TAFA1: variants seen among roughly 807,000 people sequenced by gnomAD.
TAFA1 encodes the protein TAFA chemokine like family member 1, also known as chemokine-like protein TAFA-1.
A neutral mutation model predicts 18.5 loss-of-function variants in TAFA1; 4 were observed. That is an observed-to-expected ratio of 0.22 (90% CI 0.11 to 0.49). The LOEUF (loss-of-function observed/expected upper bound fraction) is 0.49, where lower values mean the gene tolerates loss of function less well. TAFA1 is among the 20% of genes least tolerant of loss of function. The pLI, the probability that TAFA1 is intolerant of heterozygous loss-of-function variation, is 0.98. For missense variants in TAFA1, 147 were observed against 169.0 expected, an observed-to-expected ratio of 0.87 and a Z score of 0.72; for synonymous variants, 56 against 55.2, an observed-to-expected ratio of 1.01 and a Z score of -0.06.
chr3:68,125,139 T>A (rs767377434), intron 2 of TAFA1, among the ~76,000 whole-genome samples: 2 of 152,180 alleles, frequency 1.3e-5, no homozygotes, highest in African/African-American at 4.8e-5. Context: ...GATTCTGAGT[T>A]CATAGGTTTG....
At chr3:68,086,229 G>A (rs571696126) in intron 2 of TAFA1, among the ~76,000 whole-genome samples, 2 of 152,286 alleles carry the variant, frequency 1.3e-5, no homozygotes, top group South Asian at 4.2e-4. Flanking sequence ...GACACTTCCA[G>A]CATATTTTCC....
At chr3:68,405,699 CAAA>C (rs56258198) in intron 2 of TAFA1, among the ~76,000 whole-genome samples, 1 of 32,846 alleles carries the variant, frequency 3.0e-5, no homozygotes, top group Non-Finnish European at 7.8e-5. Context: ...GACTCTATCT[CAAA>C]AAAAAAAAAA....
At chr3:68,114,190 C>T (rs1234482524) in intron 2 of TAFA1, among the ~76,000 whole-genome samples, 2 of 151,964 alleles carry the variant, frequency 1.3e-5, no homozygotes, top group Admixed American at 1.3e-4. Flanking sequence ...ACGTAGGAGA[C>T]GTGGCCTTGT....
chr3:68,341,580 G>GT (rs34310959), intron 2 of TAFA1, among the ~76,000 whole-genome samples: 2 of 152,182 alleles, frequency 1.3e-5, no homozygotes, highest in Admixed American at 6.5e-5. Flanking sequence ...AAAGAAGGGT[G>GT]TTTTTTTCTG....
At chr3:68,411,110 AC>A (rs1467592394) in intron 2 of TAFA1, among the ~76,000 whole-genome samples, 2 of 152,186 alleles carry the variant, frequency 1.3e-5, no homozygotes, top group Non-Finnish European at 2.9e-5. Flanking sequence ...GATAAGTAAA[AC>A]CTTTTTGTCT....
intron 2 of TAFA1, among the ~76,000 whole-genome samples, chr3:68,208,895 G>C (rs971557278): frequency 2.6e-4 from 39 of 151,902 alleles, no homozygotes; most frequent in African/African-American, 8.5e-4. Flanking sequence ...GGCCTAATTA[G>C]GTGAGCCCTT....
intron 2 of TAFA1, among the ~76,000 whole-genome samples, chr3:68,067,268 G>A (rs982200462): frequency 1.3e-5 from 2 of 152,082 alleles, no homozygotes; most frequent in Non-Finnish European, 2.9e-5. Flanking sequence ...TTGTCCCAGA[G>A]CATTTTTATG....
chr3:68,251,792 C>T (rs2067201473), intron 2 of TAFA1, among the ~76,000 whole-genome samples: 1 of 152,140 alleles, frequency 6.6e-6, no homozygotes, highest in Non-Finnish European at 1.5e-5. Context: ...GTGCCAAAGC[C>T]TTGGAGGGCA....
intron 2 of TAFA1, among the ~76,000 whole-genome samples, chr3:68,105,176 C>T (rs2065190100): frequency 6.6e-6 from 1 of 152,124 alleles, no homozygotes; most frequent in South Asian, 2.1e-4. Context: ...TATGAGGCAT[C>T]TGCCCCAGGA....
intron 2 of TAFA1, among the ~76,000 whole-genome samples, chr3:68,078,924 G>A (rs184530517): frequency 1.3e-5 from 2 of 152,212 alleles, no homozygotes; most frequent in African/African-American, 4.8e-5. Flanking sequence ...GAATTCGGCT[G>A]TGAATCCATC....
intron 2 of TAFA1, among the ~76,000 whole-genome samples, chr3:68,050,308 C>G (rs1057160090): frequency 1.3e-5 from 2 of 152,164 alleles, no homozygotes; most frequent in Non-Finnish European, 1.5e-5. Flanking sequence ...GTATCACCCT[C>G]AGACTCTTTG....
At chr3:68,313,436 T>C (rs879482373) in intron 2 of TAFA1, among the ~76,000 whole-genome samples, 6 of 152,190 alleles carry the variant, frequency 3.9e-5, no homozygotes, top group Non-Finnish European at 8.8e-5. Flanking sequence ...ATATACCTTG[T>C]AAAAGAACAG....
At chr3:68,120,581 T>C (rs1176173432) in intron 2 of TAFA1, among the ~76,000 whole-genome samples, 2 of 152,102 alleles carry the variant, frequency 1.3e-5, no homozygotes, top group Admixed American at 6.6e-5. Flanking sequence ...TCTCTTGCTG[T>C]AGTGAGAGGG....
intron 2 of TAFA1, among the ~76,000 whole-genome samples, chr3:68,137,646 A>G (rs1031979497): frequency 2.0e-5 from 3 of 152,208 alleles, no homozygotes; most frequent in East Asian, 1.9e-4. Context: ...AAAGATTCCT[A>G]TCACACAAGT....
chr3:68,118,345 A>T (rs1283494855), intron 2 of TAFA1, among the ~76,000 whole-genome samples: 2 of 152,146 alleles, frequency 1.3e-5, no homozygotes, highest in Non-Finnish European at 2.9e-5. Flanking sequence ...ATCTGACAGG[A>T]GGTGGAGCTC....
chr3:68,517,114 T>C (rs879398422), intron 3 of TAFA1, among the ~76,000 whole-genome samples: 13 of 152,126 alleles, frequency 8.5e-5, no homozygotes, highest in African/African-American at 2.7e-4. Context: ...TTTTGCTACA[T>C]TGAAGGAGAA....
chr3:68,450,938 T>A (rs1369246989), intron 3 of TAFA1, among the ~76,000 whole-genome samples: 1 of 152,168 alleles, frequency 6.6e-6, no homozygotes, highest in Non-Finnish European at 1.5e-5. Flanking sequence ...ACCTTGGTTA[T>A]CCCCATTTTA....
At chr3:68,527,328 C>T (rs2073123359) in intron 3 of TAFA1, among the ~76,000 whole-genome samples, 1 of 152,072 alleles carries the variant, frequency 6.6e-6, no homozygotes, top group African/African-American at 2.4e-5. Flanking sequence ...CTGAAAATTC[C>T]TTGTCACCAG....
At chr3:68,476,721 A>G (rs1340465881) in intron 3 of TAFA1, among the ~76,000 whole-genome samples, 1 of 152,170 alleles carries the variant, frequency 6.6e-6, no homozygotes, top group Non-Finnish European at 1.5e-5. Flanking sequence ...TTTTACATTC[A>G]TAGGATTTGT....
Sources: gnomAD v4.1 joint callset for allele counts (sites outside exome capture counted in the v4.1 genomes callset) on GRCh38, gnomAD v4.1.1 for gene constraint, MANE v1.5 for transcripts, NCBI Gene and HGNC (gene_info 2026-07-23, HGNC 2026-07-21) for gene names.